MED23: variants seen among roughly 807,000 people sequenced by gnomAD.
The protein encoded by MED23 is mediator complex subunit 23, also known as mediator of RNA polymerase II transcription subunit 23.
In MED23, 105 loss-of-function variants were observed where a neutral mutation model predicts 163.9. The observed-to-expected ratio is 0.64, with a 90% CI of 0.55 to 0.75. The LOEUF is 0.75. Ranked by LOEUF, MED23 falls within the 30% of genes least tolerant of loss-of-function variation. MED23 has a pLI of 0.00. For synonymous variants in MED23, 561 were observed against 565.6 expected, an observed-to-expected ratio of 0.99 and a Z score of 0.12; for missense variants, 1,054 against 1,649.0, an observed-to-expected ratio of 0.64 and a Z score of 6.25.
rs1224399418 is a variant in MED23, at chr6:131,581,258, C to CT, written c.4095+6450_4095+6451insA. Reference sequence around the variant, plus strand: ...GCATCTCTGGCCATGCCAGGGTCCACCCTGATCTTGGAGTCATCTGGGTGG... The same window carrying CT: ...GCATCTCTGGCCATGCCAGGGTCCACTCCTGATCTTGGAGTCATCTGGGTGG... On this transcript the variant is annotated intron_variant, in intron 30 of 30. Transcript: ENST00000354577. 3 of 1,613,884 alleles carry CT rather than the reference C, an allele frequency of 1.9e-6. No individual in the cohort carries two copies. In the Admixed American group the frequency reaches 5.0e-5, roughly 27 times the overall value.
downstream of MED23, chr6:131,583,914 G>C (rs1224996446): frequency 1.2e-6 from 2 of 1,613,566 alleles, no homozygotes; most frequent in African/African-American, 2.7e-5. Context: ...AGTAAATGTG[G>C]AAACATCCGA....
chr6:131,619,965 A>T (rs756494403), intron 7 of MED23, 69 bp from the exon 8 acceptor site: 6 of 901,378 alleles, frequency 6.7e-6, no homozygotes, highest in Non-Finnish European at 1.1e-5. Flanking sequence ...TGCCCCTGAA[A>T]TATATGAACA....
Position 131,598,123 on chromosome 6 carries a change from A to C in MED23, c.2607+164T>G. The C allele has an allele frequency of 1.3e-6, 1 of 759,204 alleles. No homozygotes were observed. Among genetic ancestry groups the C allele is most frequent in the Non-Finnish European group, 2.2e-6 (1 of 463,880 alleles). The allele number at this position is 759,204 out of a possible 1,614,324, so 47.0% of individuals were successfully genotyped here. A position where few individuals can be genotyped will look rare whatever the true frequency, so the allele number is the denominator to read the frequency against. On this transcript the variant is annotated intron_variant, in intron 20 of 28. Transcript: ENST00000368068. The surrounding 1 kb of genome is among the most constrained non-coding windows in gnomAD (Gnocchi z 4.7). Reference sequence around the variant, plus strand: ...AACAAAAAAACAAAAACAAACAAAAACAGAAATTGGAAAATTTCCGGCTCT... The same window carrying C: ...AACAAAAAAACAAAAACAAACAAAACCAGAAATTGGAAAATTTCCGGCTCT...
At chr6:131,626,558 A>G (rs17060467) in intron 3 of MED23, among the ~76,000 whole-genome samples, 1 of 152,344 alleles carries the variant, frequency 6.6e-6, no homozygotes, top group Admixed American at 6.5e-5. Context: ...TTCTATATGC[A>G]TAAAATACTT....
rs562108131 is a variant in MED23 at position 131,600,669 on chromosome 6, G to A, written c.2096-507C>T. 2.0e-5 allele frequency among the ~76,000 whole-genome samples: 3 copies of A among 152,326 alleles called. No homozygotes were observed. In the South Asian group the frequency reaches 6.2e-4, roughly 32 times the overall value. ...ATCTCTTTAAAACATCAGTTCTCAA[G>A]TGTGGTCTGTAGACCTCTTGGGGAT... On this transcript the variant is annotated intron_variant, in intron 17 of 28. Coordinates refer to ENST00000368068, the MANE Select transcript of MED23 (RefSeq NM_004830.4).
At chr6:131,615,083 A>G (rs1477058803) in intron 10 of MED23, among the ~76,000 whole-genome samples, 1 of 148,944 alleles carries the variant, frequency 6.7e-6, no homozygotes, top group Non-Finnish European at 1.5e-5. Flanking sequence ...AAAAAAAAAA[A>G]AAGAAAAAAA....
At chr6:131,615,614 T>C (rs1776628874) in intron 10 of MED23, 6 of 535,198 alleles carry the variant, frequency 1.1e-5, no homozygotes, top group South Asian at 4.5e-5. Context: ...TCAAAAATTA[T>C]GGTTGAGTCA....
downstream of MED23, chr6:131,583,135 G>A (rs891212218): frequency 1.2e-6 from 2 of 1,613,930 alleles, no homozygotes; most frequent in Non-Finnish European, 1.7e-6. Context: ...GCAAGGTGAT[G>A]GAAGAAACAC....
intron 24 of MED23, chr6:131,592,664 A>G (rs1423032836): frequency 3.3e-6 from 2 of 613,500 alleles, no homozygotes; most frequent in African/African-American, 3.7e-5. Context: ...CTTCCTCCCC[A>G]ATCATTATCC....
rs977162425 is a variant in MED23 at position 131,616,095 on chromosome 6, C to G, written c.781-93G>C. On this transcript the variant is annotated intron_variant, in intron 9 of 28. Coordinates refer to ENST00000368068, the MANE Select transcript of MED23 (RefSeq NM_004830.4). ...GAGATTAAAAAATCCTCTAAAGGCACTTGTTACCTTCACAGAGTAGGCAGT... is the reference window on the plus strand; with the variant it reads ...GAGATTAAAAAATCCTCTAAAGGCAGTTGTTACCTTCACAGAGTAGGCAGT... 7.2e-6 allele frequency: 7 copies of G among 975,296 alleles called. No individual in the cohort carries two copies. In the African/African-American group the frequency reaches 1.1e-4, roughly 16 times the overall value. The allele number at this position is 975,296 out of a possible 1,614,324, so 60.4% of individuals were successfully genotyped here.
intron 23 of MED23, among the ~76,000 whole-genome samples, chr6:131,593,816 ATT>A (rs2114605663): frequency 6.6e-6 from 1 of 152,216 alleles, no homozygotes; most frequent in East Asian, 1.9e-4. Context: ...TAAGAATAAG[ATT>A]TTTTCTTTGA....
At chr6:131,595,813 T>C (rs1225689748) in intron 22 of MED23, 134 bp downstream of exon 22, 3 of 701,682 alleles carry the variant, frequency 4.3e-6, no homozygotes, top group Non-Finnish European at 7.4e-6. Context: ...CCATCCATAG[T>C]ACTTATCCTC....
intron 30 of MED23, chr6:131,581,417 T>G (rs1773919087): frequency 6.3e-7 from 1 of 1,582,532 alleles, no homozygotes; most frequent in African/African-American, 1.4e-5. Flanking sequence ...ATAGAATACT[T>G]TTTAGTAGAC....
downstream of MED23, chr6:131,583,899 A>C: frequency 6.2e-7 from 1 of 1,614,018 alleles, no homozygotes; most frequent in South Asian, 1.1e-5. Flanking sequence ...ACCTTAACCC[A>C]CCTAAGTAAA....
chr6:131,617,011 T>C (rs974240828), intron 9 of MED23, among the ~76,000 whole-genome samples: 1 of 151,930 alleles, frequency 6.6e-6, no homozygotes, highest in African/African-American at 2.4e-5. Flanking sequence ...TTTTGAGAAG[T>C]AGATGAAACA....
chr6:131,603,936 A>C (rs1775672190), intron 15 of MED23, among the ~76,000 whole-genome samples: 1 of 152,116 alleles, frequency 6.6e-6, no homozygotes, highest in African/African-American at 2.4e-5. Flanking sequence ...ACCTTTTCTT[A>C]CCACTTTACT....
chr6:131,583,401 C>T (rs776530369), downstream of MED23: 1 of 1,614,074 alleles, frequency 6.2e-7, no homozygotes, highest in South Asian at 1.1e-5. Flanking sequence ...CGGACTGGAC[C>T]CATCTTTCAC....
chr6:131,618,637 C>T (rs952602343), intron 8 of MED23, 118 bp from the exon 9 acceptor site: 1 of 718,208 alleles, frequency 1.4e-6, no homozygotes, highest in Admixed American at 2.4e-5. Context: ...TTAAAAATGG[C>T]TTATAAAAAT....
chr6:131,582,525 A>G (rs1773979036), downstream of MED23: 11 of 906,470 alleles, frequency 1.2e-5, no homozygotes, highest in East Asian at 2.7e-4. Flanking sequence ...TATTCTAAAT[A>G]TAAGATATAC....
Sources: gnomAD v4.1 joint callset for allele counts (sites outside exome capture counted in the v4.1 genomes callset) on GRCh38, gnomAD v4.1.1 for gene constraint, Gnocchi (gnomAD v3.1) non-coding constraint, MANE v1.5 for transcripts, NCBI Gene and HGNC (gene_info 2026-07-23, HGNC 2026-07-21) for gene names.